The following ZNF808 variants were observed in gnomAD, a reference collection of about 807,000 sequenced individuals.
ZNF808 encodes the protein zinc finger protein 808.
Under a neutral mutation model 8.7 loss-of-function variants are expected in ZNF808, and 5 were observed. That is an observed-to-expected ratio of 0.58 (90% confidence interval 0.30 to 1.21). ZNF808 has a LOEUF of 1.21. Ranked by LOEUF, ZNF808 falls within the 50% of genes most tolerant of loss-of-function variation. The probability of loss-of-function intolerance (pLI) is 0.07; values close to 1 mark genes in which losing one functional copy is unlikely to be tolerated. For synonymous variants in ZNF808, 380 were observed against 366.0 expected, an observed-to-expected ratio of 1.04 and a Z score of -0.44; for missense variants, 1,103 against 1,098.4, an observed-to-expected ratio of 1.00 and a Z score of -0.06.
chr19:52,535,189 A>G (rs1352175775), intron 2 of ZNF808, among the ~76,000 whole-genome samples: 1 of 151,430 alleles, frequency 6.6e-6, no homozygotes, highest in Non-Finnish European at 1.5e-5. Flanking sequence ...AAATTAGCCG[A>G]GCGTCGTGGT....
Position 52,553,989 on chromosome 19 carries a change from T to G in ZNF808, c.1073T>G (p.Leu358Arg). The change falls in exon 5 of 5, where the codon CTT becomes CGT. Residue 358 changes from leucine to arginine, a missense_variant. Coordinates refer to ENST00000359798, the MANE Select transcript of ZNF808 (RefSeq NM_001039886.4). ...AAGGCTTTTAATCAACAATCACACC[T>G]TTCACGCCATCAAAGACTTCATACT... is the stretch of plus-strand genomic sequence containing the variant. Reference protein sequence around the residue: ...CGKAFNQQSHLSRHQRLHTGV... With the variant: ...CGKAFNQQSHRSRHQRLHTGV... The G allele has an allele frequency of 6.2e-7, 1 of 1,614,142 alleles. No individual in the cohort carries two copies. Among genetic ancestry groups the G allele is most frequent in the Non-Finnish European group, 8.5e-7 (1 of 1,180,026 alleles).
intron 1 of ZNF808, among the ~76,000 whole-genome samples, chr19:52,528,417 G>C (rs957703579): frequency 6.6e-6 from 1 of 151,954 alleles, no homozygotes; most frequent in East Asian, 1.9e-4. Context: ...ACCTGAGACA[G>C]AGAAAGAATA....
At position 52,553,127 on chromosome 19, in the gene ZNF808, A is replaced by G; in HGVS notation, c.211A>G (p.Met71Val). The change falls in exon 5 of 5, where the codon ATG (methionine) becomes GTG (valine). Residue 71 changes from methionine to valine, a missense_variant. Transcript: ENST00000359798. ...EAVDISSKHM[M>V]KEVLSTGQGN... ...TGTAGATATCTCTTCCAAACACATGATGAAGGAGGTCTTGTCAACAGGGCA... is the reference window on the plus strand; with the variant it reads ...TGTAGATATCTCTTCCAAACACATGGTGAAGGAGGTCTTGTCAACAGGGCA... 6.4e-7 allele frequency: 1 copy of G among 1,565,208 alleles called. No individual in the cohort carries two copies. The highest frequency in any genetic ancestry group is 8.6e-7 in the Non-Finnish European group (1 of 1,160,796).
chr19:52,561,192 CTCTCTCTCTCTCTCTCTCTCTATATA>C (rs1213484339), downstream of ZNF808, among the ~76,000 whole-genome samples: 101 of 67,368 alleles, frequency 1.5e-3, 2 homozygotes, highest in South Asian at 6.1e-3. Flanking sequence ...CTCTCTCTCT[CTCTCTCTCTCTCTCTCTCTCTATATA>C]TATATATATA....
downstream of ZNF808, among the ~76,000 whole-genome samples, chr19:52,561,192 CTCTCTCTCTCTCTCTCTCTCTA>C (rs1469540962): frequency 0.05 from 3,351 of 67,306 alleles, 98 homozygotes; most frequent in Non-Finnish European, 0.069. Context: ...CTCTCTCTCT[CTCTCTCTCTCTCTCTCTCTCTA>C]TATATATATA....
chr19:52,537,042 T>C (rs970396746), intron 2 of ZNF808, among the ~76,000 whole-genome samples: 2 of 151,922 alleles, frequency 1.3e-5, no homozygotes, highest in Admixed American at 6.6e-5. Flanking sequence ...CAAAACTAGC[T>C]GGGCGCGGTT....
chr19:52,530,068 C>G (rs942860035), intron 1 of ZNF808, among the ~76,000 whole-genome samples: 5 of 151,928 alleles, frequency 3.3e-5, no homozygotes, highest in South Asian at 2.1e-4. Flanking sequence ...ATAGCCCCCC[C>G]CTTTTTTTTG....
At chr19:52,533,865 A>G (rs2059582344) in intron 2 of ZNF808, among the ~76,000 whole-genome samples, 1 of 149,486 alleles carries the variant, frequency 6.7e-6, no homozygotes, top group African/African-American at 2.5e-5. Flanking sequence ...AAAAAAAAAA[A>G]AAGGCAAGCA....
rs1272363318 is a variant in ZNF808 at position 52,555,835 on chromosome 19, C to G, written c.*207C>G. 1.0e-5 allele frequency: 8 copies of G among 798,684 alleles called. No homozygotes were observed. Among genetic ancestry groups the G allele is most frequent in the Non-Finnish European group, 1.7e-5 (8 of 461,868 alleles). 49.5% of individuals were successfully genotyped at this position (798,684 alleles called of 1,614,324 possible). A position where few individuals can be genotyped will look rare whatever the true frequency, so the allele number is the denominator to read the frequency against. On this transcript the variant is annotated 3_prime_UTR_variant, in exon 5 of 5. Coordinates refer to ENST00000359798, the MANE Select transcript of ZNF808 (RefSeq NM_001039886.4). ...GCAAGGTCTTCAGTCAAGCTTCATC[C>G]TATGCAAAACAGGAGAATTCATACA...
rs1294822930 is a variant in ZNF808 at position 52,554,588 on chromosome 19, A to T, written c.1672A>T (p.Thr558Ser). The change falls in exon 5 of 5, where the codon ACT (threonine) becomes TCT (serine). Residue 558 changes from threonine to serine, a missense_variant. Transcript: ENST00000359798. ...FMRNSVLAVHTRIHTAKKPYK... is the reference protein window; with the variant it reads ...FMRNSVLAVHSRIHTAKKPYK... ...GCGTAATTCAGTCCTGGCTGTACATACTAGAATTCACACTGCAAAGAAACC... is the reference window on the plus strand; with the variant it reads ...GCGTAATTCAGTCCTGGCTGTACATTCTAGAATTCACACTGCAAAGAAACC... 6.2e-7 allele frequency: 1 copy of T among 1,613,468 alleles called. No individual in the cohort carries two copies.
chr19:52,540,167 A>G (rs1429814922), intron 2 of ZNF808, among the ~76,000 whole-genome samples: 1 of 152,026 alleles, frequency 6.6e-6, no homozygotes, highest in African/African-American at 2.4e-5. Context: ...GTGCACCACT[A>G]TGCCCTGCTA....
At chr19:52,567,207 C>T (rs1055689255), downstream of ZNF808, among the ~76,000 whole-genome samples, 1 of 152,048 alleles carries the variant, frequency 6.6e-6, no homozygotes, top group African/African-American at 2.4e-5. Flanking sequence ...CCACGTCGGC[C>T]TTCCAAAGTG....
intron 4 of ZNF808, 139 bp from the exon 5 acceptor site, chr19:52,552,967 CT>C: frequency 7.9e-7 from 1 of 1,258,106 alleles, no homozygotes; most frequent in Non-Finnish European, 1.1e-6. Flanking sequence ...AAGAATCTCA[CT>C]CTTTTTGTGT....
intron 3 of ZNF808, among the ~76,000 whole-genome samples, chr19:52,547,137 A>G (rs1463163828): frequency 6.6e-6 from 1 of 151,826 alleles, no homozygotes; most frequent in East Asian, 1.9e-4. Flanking sequence ...TAGTAGAGAC[A>G]GGTTTTCACC....
At position 52,555,706 on chromosome 19, in the gene ZNF808, T is replaced by A; in HGVS notation, c.*78T>A. On this transcript the variant is annotated 3_prime_UTR_variant, in exon 5 of 5. Coordinates refer to ENST00000359798, the MANE Select transcript of ZNF808 (RefSeq NM_001039886.4). Reference sequence around the variant, plus strand: ...GGAGAATCCATGATGAAGAGAAATCTTCTGAGTGTAATAAATGTGGCATGT... The same window carrying A: ...GGAGAATCCATGATGAAGAGAAATCATCTGAGTGTAATAAATGTGGCATGT... 1 of 1,541,570 alleles carries A rather than the reference T, an allele frequency of 6.5e-7. No individual in the cohort carries two copies. Among genetic ancestry groups the A allele is most frequent in the Non-Finnish European group, 8.8e-7 (1 of 1,139,692 alleles).
At position 52,553,226 on chromosome 19, in the gene ZNF808, C is replaced by T; in HGVS notation, c.310C>T (p.Gln104Ter). Residue 104 changes from glutamine to a stop codon, truncating the protein, a stop_gained, in exon 5 of 5, where the codon CAG becomes TAG. Coordinates refer to ENST00000359798, the MANE Select transcript of ZNF808 (RefSeq NM_001039886.4). LOFTEE classifies it low-confidence loss of function (END_TRUNC). ...TTATCACATTGGAGACTTTTGCTTC[C>T]AGGAAATTGAGAAAGAAATTCATAA... ...QSYHIGDFCF[Q>*]EIEKEIHNIE... 6.2e-7 allele frequency: 1 copy of T among 1,613,922 alleles called. No homozygotes were observed. Among genetic ancestry groups the T allele is most frequent in the Non-Finnish European group, 8.5e-7 (1 of 1,179,992 alleles).
At position 52,555,504 on chromosome 19, in the gene ZNF808, A is replaced by G. The variant is rs1296946976; in HGVS notation, c.2588A>G (p.Lys863Arg). The change falls in exon 5 of 5, where the codon AAA (lysine) becomes AGA (arginine). Residue 863 changes from lysine (K) to arginine (R), a missense_variant. By Grantham distance (26) the Lys-to-Arg change is conservative (BLOSUM62 2). Coordinates refer to ENST00000359798, the MANE Select transcript of ZNF808 (RefSeq NM_001039886.4). The stretch of plus-strand genomic sequence containing the variant: ...GTTTTCAGTCGCAAATCACACCTTA[A>G]AAGACATAGGATAATTCATACTGGA... ...DKVFSRKSHL[K>R]RHRIIHTGEK... 6.2e-7 allele frequency: 1 copy of G among 1,613,854 alleles called. No homozygotes were observed. The highest frequency in any genetic ancestry group is 8.5e-7 in the Non-Finnish European group (1 of 1,179,952).
chr19:52,537,109 T>C (rs1433277841), intron 2 of ZNF808, among the ~76,000 whole-genome samples: 2 of 152,006 alleles, frequency 1.3e-5, no homozygotes, highest in East Asian at 3.9e-4. Context: ...TCGCTTGAAC[T>C]TGGGAGGCGG....
In ZNF808 at chr19:52,564,158, G is replaced by A. The variant is rs968708596; in HGVS notation, c.*1263G>A. ...AATCGTCCGATTTCCCAGTGGATTC[G>A]AATGAAAACTGGCAATAAAATCAGG... On this transcript the variant is annotated 3_prime_UTR_variant and NMD_transcript_variant, in exon 4 of 4. Transcript: ENST00000487863. 38 of 722,380 alleles carry A rather than the reference G, an allele frequency of 5.3e-5. 1 individual carries two copies. The highest frequency in any genetic ancestry group is 5.1e-4 in the African/African-American group (29 of 56,864). The allele number at this position is 722,380 out of a possible 1,614,324, so 44.7% of individuals were successfully genotyped here. A position where few individuals can be genotyped will look rare whatever the true frequency, so the allele number is the denominator to read the frequency against.
Sources: gnomAD v4.1 joint callset for allele counts (sites outside exome capture counted in the v4.1 genomes callset) on GRCh38, gnomAD v4.1.1 for gene constraint, MANE v1.5 for transcripts, NCBI Gene and HGNC (gene_info 2026-07-23, HGNC 2026-07-21) for gene names.